Variants in KHDRBS2 observed in about 807,000 individuals in gnomAD.
KHDRBS2 encodes the protein KH RNA binding domain containing, signal transduction associated 2, also known as KH domain-containing, RNA-binding, signal transduction-associated protein 2.
Under a neutral mutation model 44.3 loss-of-function variants are expected in KHDRBS2, and 26 were observed. The ratio of observed to expected loss-of-function variants is 0.59; its 90% CI spans 0.43 to 0.81. KHDRBS2 has a LOEUF of 0.81. Ranked by LOEUF, KHDRBS2 falls within the 40% of genes least tolerant of loss-of-function variation. The probability of loss-of-function intolerance (pLI) is 0.00; values close to 1 mark genes in which losing one functional copy is unlikely to be tolerated. For synonymous variants in KHDRBS2, 194 were observed against 151.1 expected (o/e 1.28, Z -2.08); for missense variants, 476 against 433.1 (o/e 1.10, Z -0.88).
chr6:61,617,632 G>A, the KHDRBS2 span, among the ~76,000 whole-genome samples: 1 of 139,986 alleles, frequency 7.1e-6, no homozygotes, highest in African/African-American at 3.0e-5. Context: ...AACTGAAAAA[G>A]ACTGATTTTT....
At chr6:62,140,195 G>T (rs1163252471) in intron 2 of KHDRBS2, among the ~76,000 whole-genome samples, 2 of 151,898 alleles carry the variant, frequency 1.3e-5, no homozygotes, top group Non-Finnish European at 2.9e-5. Context: ...CAATATTTTT[G>T]AAACAAGCAA....
intron 4 of KHDRBS2, among the ~76,000 whole-genome samples, chr6:61,944,333 T>C (rs535342002): frequency 6.6e-6 from 1 of 152,194 alleles, no homozygotes; most frequent in Non-Finnish European, 1.5e-5. Context: ...TATAAAAGAA[T>C]GAAATCATTT....
the KHDRBS2 span, among the ~76,000 whole-genome samples, chr6:61,640,372 A>G: frequency 1.3e-5 from 2 of 152,128 alleles, no homozygotes; most frequent in Admixed American, 1.3e-4. Context: ...ATATTGTAGG[A>G]AAGTAATTAT....
chr6:62,048,404 T>C (rs559904689), intron 2 of KHDRBS2, among the ~76,000 whole-genome samples: 1 of 151,864 alleles, frequency 6.6e-6, no homozygotes, highest in Admixed American at 6.6e-5. Flanking sequence ...ACCTTCAAAA[T>C]TGTAAAAGTT....
chr6:61,949,993 G>A (rs1169101118), intron 4 of KHDRBS2, among the ~76,000 whole-genome samples: 4 of 151,976 alleles, frequency 2.6e-5, no homozygotes, highest in Admixed American at 6.6e-5. Flanking sequence ...TCAAAATGTG[G>A]TGTTTCATTA....
chr6:62,110,042 C>T (rs1804641738), intron 2 of KHDRBS2, among the ~76,000 whole-genome samples: 1 of 151,826 alleles, frequency 6.6e-6, no homozygotes, highest in South Asian at 2.1e-4. Context: ...AATTGATCTT[C>T]ATCAAAATTA....
intron 6 of KHDRBS2, among the ~76,000 whole-genome samples, chr6:61,833,538 A>G (rs1476016343): frequency 6.6e-6 from 1 of 152,176 alleles, no homozygotes; most frequent in Non-Finnish European, 1.5e-5. Flanking sequence ...TCAATCAACA[A>G]GGTGTTTATT....
At chr6:61,585,441 T>G in the KHDRBS2 span, among the ~76,000 whole-genome samples, 7 of 152,154 alleles carry the variant, frequency 4.6e-5, no homozygotes, top group East Asian at 1.4e-3. Context: ...TTGACTAAAA[T>G]TATAATTATA....
At chr6:61,563,797 G>C in the KHDRBS2 span, among the ~76,000 whole-genome samples, 8 of 152,122 alleles carry the variant, frequency 5.3e-5, no homozygotes, top group Admixed American at 2.0e-4. Flanking sequence ...AGCGACGTTA[G>C]AGCCTGAGAG....
chr6:61,558,741 T>A, the KHDRBS2 span, among the ~76,000 whole-genome samples: 2 of 152,230 alleles, frequency 1.3e-5, no homozygotes, highest in Non-Finnish European at 2.9e-5. Context: ...TTTCTGTTAT[T>A]GCTGATTTCT....
chr6:61,956,397 T>C (rs1168178771), intron 4 of KHDRBS2, among the ~76,000 whole-genome samples: 8 of 152,292 alleles, frequency 5.3e-5, no homozygotes, highest in Non-Finnish European at 1.5e-5. Flanking sequence ...ACTGACAAAA[T>C]TGAAGACAAA....
At chr6:62,061,080 A>G (rs1374515210) in intron 2 of KHDRBS2, among the ~76,000 whole-genome samples, 2 of 151,868 alleles carry the variant, frequency 1.3e-5, no homozygotes, top group East Asian at 2.0e-4. Flanking sequence ...TGAAAGTTAG[A>G]TGGGTTTCCT....
In KHDRBS2 at chr6:61,743,640, T is replaced by C. The variant is rs565969580; in HGVS notation, c.811-10876A>G. Among the ~76,000 whole-genome samples the C allele has an allele frequency of 1.2e-4, 18 of 152,182 alleles. No homozygotes were observed. The South Asian group carries it at 2.3e-3, about 19-fold the overall frequency. On this transcript the variant is annotated intron_variant, in intron 6 of 8. Coordinates refer to ENST00000281156, the MANE Select transcript of KHDRBS2 (RefSeq NM_152688.4). The stretch of plus-strand genomic sequence containing the variant: ...CCTTATTTTATTTTTTTAATTTTAT[T>C]ATTATTATACTTTAAGTTTTAGGGT...
intron 6 of KHDRBS2, among the ~76,000 whole-genome samples, chr6:61,872,315 G>C (rs145471938): frequency 6.6e-6 from 1 of 152,086 alleles, no homozygotes; most frequent in Non-Finnish European, 1.5e-5. Context: ...TATAGTGCAT[G>C]TGAATCCAAA....
chr6:61,606,343 G>T, the KHDRBS2 span, among the ~76,000 whole-genome samples: 1 of 152,176 alleles, frequency 6.6e-6, no homozygotes, highest in African/African-American at 2.4e-5. Context: ...TTCCAGAAGA[G>T]CAGAGTGGGT....
chr6:62,195,576 AG>A (rs1272601613), intron 1 of KHDRBS2, among the ~76,000 whole-genome samples: 1 of 152,148 alleles, frequency 6.6e-6, no homozygotes, highest in Non-Finnish European at 1.5e-5. Context: ...TTTTTATTCT[AG>A]TAAAATTAAA....
the KHDRBS2 span, among the ~76,000 whole-genome samples, chr6:61,545,155 G>T: frequency 6.6e-6 from 1 of 151,976 alleles, no homozygotes; most frequent in Non-Finnish European, 1.5e-5. Flanking sequence ...CTTAAGAAGT[G>T]ATAATTGGGG....
chr6:62,208,543 G>C (rs778577383), intron 1 of KHDRBS2, among the ~76,000 whole-genome samples: 2 of 152,100 alleles, frequency 1.3e-5, no homozygotes, highest in African/African-American at 2.4e-5. Context: ...AATGAACATG[G>C]GAATGCAGAT....
Position 62,206,127 on chromosome 6 carries a change from G to A in KHDRBS2, c.92-28815C>T, listed in dbSNP as rs571088617. ...ATACTTGTTGGAGACTGAAGAGTCC[G>A]TATACAACAGAGAACCTCACTAAAA... is the stretch of plus-strand genomic sequence containing the variant. On this transcript the variant is annotated intron_variant, in intron 1 of 8. Coordinates refer to ENST00000281156, the MANE Select transcript of KHDRBS2 (RefSeq NM_152688.4). Among the ~76,000 whole-genome samples the A allele has an allele frequency of 9.9e-5, 15 of 152,214 alleles. No homozygotes were observed. In the East Asian group the frequency reaches 2.1e-3, roughly 22 times the overall value.
Sources: allele counts gnomAD v4.1 joint callset (sites outside exome capture counted in the v4.1 genomes callset), GRCh38; gene constraint gnomAD v4.1.1; transcripts MANE v1.5; gene names NCBI Gene and HGNC (gene_info 2026-07-23, HGNC 2026-07-21).